Variants in FRMD1 observed in about 807,000 individuals in gnomAD.
FRMD1 encodes the protein FERM domain containing 1.
In FRMD1, 51 loss-of-function variants were observed where a neutral mutation model predicts 54.9. The ratio of observed to expected loss-of-function variants is 0.93; its 90% CI spans 0.74 to 1.17. The LOEUF (loss-of-function observed/expected upper bound fraction) is 1.17. FRMD1 is among the 50% of genes most tolerant of loss of function. The probability of loss-of-function intolerance (pLI) is 0.00; values close to 1 mark genes in which losing one functional copy is unlikely to be tolerated. For missense variants in FRMD1, 729 were observed against 743.0 expected (o/e 0.98, Z 0.22); for synonymous variants, 324 against 306.4 (o/e 1.06, Z -0.60).
chr6:168,055,561 C>G lies in FRMD1; in HGVS notation c.*1536G>C, dbSNP rs955486477. 2.0e-5 allele frequency: 3 copies of G among 152,174 alleles called. No individual in the cohort carries two copies. The highest frequency in any genetic ancestry group is 7.2e-5 in the African/African-American group (3 of 41,442). 9.4% of individuals were successfully genotyped at this position (152,174 alleles called of 1,614,324 possible). A position where few individuals can be genotyped will look rare whatever the true frequency, so the allele number is the denominator to read the frequency against. The stretch of plus-strand genomic sequence containing the variant: ...GAAGAAGATAGTCATTGCCCCGGAG[C>G]GGGGCAAATCAATCATCTTGTACTA... On this transcript the variant is annotated 3_prime_UTR_variant, in exon 11 of 11. Transcript: ENST00000283309.
chr6:168,066,632 G>A, intron 4 of FRMD1, 123 bp downstream of exon 4: 1 of 1,441,604 alleles, frequency 6.9e-7, no homozygotes, highest in Non-Finnish European at 9.1e-7. Context: ...TAGTGGGGTT[G>A]TTTGTTTGTT....
chr6:168,078,987 T>C lies in FRMD1; in HGVS notation c.108A>G (p.Ala36=), dbSNP rs1207774129. 2 of 1,612,374 alleles carry C rather than the reference T, an allele frequency of 1.2e-6. No individual in the cohort carries two copies. Among genetic ancestry groups the C allele is most frequent in the Non-Finnish European group, 1.7e-6 (2 of 1,179,946 alleles). The change falls in exon 1 of 11, where the codon GCA becomes GCG. Residue 36 remains alanine, a synonymous_variant. Transcript: ENST00000283309. ...CCAGGGTCGGCTCCTGCTGACTGCA[T>C]GCAGGCCTCTCAGGACTGGGTTCCA... ...RCMEPSPERP[A]CSQQEPTLGM...
chr6:168,066,890 C>T (rs1192011207), intron 3 of FRMD1, 59 bp from the exon 4 acceptor site: 12 of 1,593,848 alleles, frequency 7.5e-6, no homozygotes, highest in Non-Finnish European at 1.0e-5. Context: ...GCTGGCTGTC[C>T]TGTCTTCCCA....
chr6:168,067,245 C>A, intron 3 of FRMD1, 122 bp downstream of exon 3: 1 of 695,372 alleles, frequency 1.4e-6, no homozygotes, highest in Non-Finnish European at 2.6e-6. Flanking sequence ...TCCCAACCCA[C>A]GCATCCCCGC....
At chr6:168,080,517 C>G (rs1393863277), upstream of FRMD1, among the ~76,000 whole-genome samples, 2 of 152,230 alleles carry the variant, frequency 1.3e-5, no homozygotes, top group Non-Finnish European at 2.9e-5. Flanking sequence ...CCACTGGCGC[C>G]TGAGCAGCTC....
At chr6:168,058,010 T>C (rs1383258304) in intron 10 of FRMD1, among the ~76,000 whole-genome samples, 1 of 152,216 alleles carries the variant, frequency 6.6e-6, no homozygotes, top group Non-Finnish European at 1.5e-5. Flanking sequence ...TGACAGTCCC[T>C]GGCCCAGAGC....
rs779195159 is a variant in FRMD1, at chr6:168,063,695, C to T, written c.710G>A (p.Arg237His). 1.1e-5 allele frequency: 17 copies of T among 1,613,758 alleles called. No homozygotes were observed. The highest frequency in any genetic ancestry group is 5.3e-5 in the African/African-American group (4 of 74,940). The part of the protein sequence containing the change: ...LRHMPTLHRE[R>H]QGLSPKEAML... The stretch of plus-strand genomic sequence containing the variant: ...GGCCTCCTTGGGGCTCAGGCCCTGG[C>T]GCTCACGGTGCAGGGTAGGCATGTG... The change falls in exon 6 of 11, where the codon CGC (arginine) becomes CAC (histidine). Residue 237 changes from arginine to histidine, a missense_variant. Arg to His is a conservative substitution (Grantham distance 29). Transcript: ENST00000283309.
chr6:168,057,381 C>T (rs1380867704), intron 10 of FRMD1, 42 bp from the exon 11 acceptor site: 1 of 1,593,212 alleles, frequency 6.3e-7, no homozygotes. Flanking sequence ...TGCCCCCTCT[C>T]ACTCCCACCA....
At chr6:168,075,641 C>A in intron 1 of FRMD1, 1 of 924,864 alleles carries the variant, frequency 1.1e-6, no homozygotes, top group Non-Finnish European at 1.7e-6. Context: ...CAGGGACACA[C>A]GATGCAGCGT....
In FRMD1 at chr6:168,059,122, A is replaced by G. The variant is rs749098533; in HGVS notation, c.1407+2T>C. On this transcript the variant is annotated splice_donor_variant, in intron 10 of 10. Transcript: ENST00000283309. LOFTEE classifies it high-confidence loss of function. The surrounding 1 kb of genome is among the most constrained non-coding windows in gnomAD (Gnocchi z 4.4). ...GCTTCTGGCCCGTGGGGGGGACTCT[A>G]CCTGGTGCACGGCCTCGGCGCTCTG... is the stretch of plus-strand genomic sequence containing the variant. 4.5e-6 allele frequency: 7 copies of G among 1,569,010 alleles called. No homozygotes were observed. The highest frequency in any genetic ancestry group is 1.3e-5 in the African/African-American group (1 of 74,456).
Position 168,063,648 on chromosome 6 carries a change from C to A in FRMD1, c.757G>T (p.Ala253Ser), listed in dbSNP as rs757168450. The change falls in exon 6 of 11, where the codon GCC becomes TCC. Residue 253 changes from alanine to serine, a missense_variant. Transcript: ENST00000283309. ...KEAMLCFIQE[A>S]CRLEDVPVHF... ...ACGGGCACGTCCTCCAGCCGGCAGG[C>A]CTCCTGGATGAAGCACAGCATGGCC... The A allele has an allele frequency of 6.2e-7, 1 of 1,613,606 alleles. No homozygotes were observed. Among genetic ancestry groups the A allele is most frequent in the Non-Finnish European group, 8.5e-7 (1 of 1,179,850 alleles).
At chr6:168,062,224 T>G (rs1031190081) in intron 7 of FRMD1, among the ~76,000 whole-genome samples, 5 of 152,164 alleles carry the variant, frequency 3.3e-5, no homozygotes, top group African/African-American at 1.2e-4. Context: ...AGTGGAGGTC[T>G]GGGGTGGGAC....
At chr6:168,063,383 C>A (rs1011693886) in intron 6 of FRMD1, among the ~76,000 whole-genome samples, 2 of 151,526 alleles carry the variant, frequency 1.3e-5, no homozygotes, top group Non-Finnish European at 2.9e-5. Context: ...CCACTCTTAG[C>A]CATGGGGGCT....
chr6:168,060,695 G>C, intron 9 of FRMD1, 66 bp downstream of exon 9: 1 of 1,518,160 alleles, frequency 6.6e-7, no homozygotes, highest in Non-Finnish European at 8.9e-7. Context: ...TCCAGGGTCA[G>C]CCAAGCTGGG....
chr6:168,058,423 G>A (rs990487807), intron 10 of FRMD1, among the ~76,000 whole-genome samples: 1 of 151,992 alleles, frequency 6.6e-6, no homozygotes, highest in African/African-American at 2.4e-5. Flanking sequence ...CCAGCCTCCC[G>A]TGCCCAGCCC....
intron 1 of FRMD1, chr6:168,075,980 G>T (rs551440993): frequency 9.2e-7 from 1 of 1,081,438 alleles, no homozygotes; most frequent in African/African-American, 1.6e-5. Flanking sequence ...CATTTCCGGC[G>T]TCTCGCATGT....
intron 2 of FRMD1, among the ~76,000 whole-genome samples, chr6:168,071,199 A>G (rs529409890): frequency 2.6e-5 from 4 of 152,158 alleles, no homozygotes; most frequent in South Asian, 2.1e-4. Context: ...CTCTCTCTCT[A>G]TTCCTCTCTG....
At chr6:168,090,378 T>C (rs552987387) in intron 1 of FRMD1, among the ~76,000 whole-genome samples, 45 of 152,284 alleles carry the variant, frequency 3.0e-4, no homozygotes, top group Admixed American at 8.5e-4. Context: ...ACTTGTTCGC[T>C]CTCTGGCCTC....
chr6:168,085,988 A>C (rs773603349), upstream of FRMD1, among the ~76,000 whole-genome samples: 1 of 152,228 alleles, frequency 6.6e-6, no homozygotes, highest in Non-Finnish European at 1.5e-5. Context: ...TTGGCGAAAA[A>C]GTGCAAAGAG....
Sources: gnomAD v4.1 joint callset for allele counts (sites outside exome capture counted in the v4.1 genomes callset) on GRCh38, gnomAD v4.1.1 for gene constraint, Gnocchi (gnomAD v3.1) non-coding constraint, MANE v1.5 for transcripts, NCBI Gene and HGNC (gene_info 2026-07-23, HGNC 2026-07-21) for gene names.